Variants in TPH2 observed in about 807,000 individuals in gnomAD.
TPH2 encodes tryptophan 5-hydroxylase 2.
Under a neutral mutation model 59.1 loss-of-function variants are expected in TPH2, and 27 were observed. The ratio of observed to expected loss-of-function variants is 0.46; its 90% CI spans 0.34 to 0.63. The LOEUF (loss-of-function observed/expected upper bound fraction) is 0.63. TPH2 is among the 30% of genes least tolerant of loss of function. TPH2 has a pLI of 0.01. For missense variants in TPH2, 523 were observed against 588.3 expected, an observed-to-expected ratio of 0.89 and a Z score of 1.15; for synonymous variants, 220 against 210.5, an observed-to-expected ratio of 1.05 and a Z score of -0.39.
intron 8 of TPH2, among the ~76,000 whole-genome samples, chr12:72,020,304 C>G (rs889465012): frequency 6.6e-6 from 1 of 152,144 alleles, no homozygotes; most frequent in Admixed American, 6.6e-5. Flanking sequence ...GAACAGACAC[C>G]TGCTTTTTTG....
Position 72,032,020 on chromosome 12 carries a change from C to T in TPH2, c.*325C>T, listed in dbSNP as rs568524612. 3.0e-6 allele frequency: 1 copy of T among 338,684 alleles called. No homozygotes were observed. The highest frequency in any genetic ancestry group is 6.7e-5 in the East Asian group (1 of 14,942). The allele number at this position is 338,684 out of a possible 1,614,324, so 21.0% of individuals were successfully genotyped here. ...CCCTCTTATGAGTCTCATTTATGCC[C>T]TTTTCTTTTTCAGATCTAAGCCTTT... On this transcript the variant is annotated 3_prime_UTR_variant, in exon 11 of 11. Coordinates refer to ENST00000333850, the MANE Select transcript of TPH2 (RefSeq NM_173353.4).
chr12:72,003,002 G>A (rs376019567), intron 8 of TPH2, among the ~76,000 whole-genome samples: 1 of 152,256 alleles, frequency 6.6e-6, no homozygotes, highest in East Asian at 1.9e-4. Context: ...ATTTATGTTA[G>A]AAGTGTAATT....
In TPH2 at chr12:72,031,746, G is replaced by C. The variant is rs1253538470; in HGVS notation, c.*51G>C. ...ATGATCTTTTTGGGGCTTAGCAGCA[G>C]TTCAGTCAATGTCATATAACGCAAA... On this transcript the variant is annotated 3_prime_UTR_variant, in exon 11 of 11. Transcript: ENST00000333850. The C allele has an allele frequency of 6.2e-7, 1 of 1,607,598 alleles. No individual in the cohort carries two copies. Among genetic ancestry groups the C allele is most frequent in the Admixed American group, 1.7e-5 (1 of 59,960 alleles).
At chr12:71,989,850 G>T (rs1243176723) in intron 7 of TPH2, among the ~76,000 whole-genome samples, 1 of 152,034 alleles carries the variant, frequency 6.6e-6, no homozygotes, top group Non-Finnish European at 1.5e-5. Context: ...GCTCCTTTGT[G>T]GACCTGTTTC....
chr12:72,027,743 T>C lies in TPH2; in HGVS notation c.1165-3515T>C, dbSNP rs186572783. Reference sequence around the variant, plus strand: ...TGCGCCAAAGTCAATTAATTGGTAGTAGCCGCCTCTGTGGAGAAGGGTGGG... The same window carrying C: ...TGCGCCAAAGTCAATTAATTGGTAGCAGCCGCCTCTGTGGAGAAGGGTGGG... On this transcript the variant is annotated intron_variant, in intron 9 of 10. Coordinates refer to ENST00000333850, the MANE Select transcript of TPH2 (RefSeq NM_173353.4). 1.2e-4 allele frequency among the ~76,000 whole-genome samples: 18 copies of C among 152,282 alleles called. No homozygotes were observed. The East Asian group carries it at 3.1e-3, about 26-fold the overall frequency.
At chr12:72,008,343 C>A (rs542162250) in intron 8 of TPH2, among the ~76,000 whole-genome samples, 1 of 152,286 alleles carries the variant, frequency 6.6e-6, no homozygotes, top group South Asian at 2.1e-4. Flanking sequence ...TGTAATTAAG[C>A]CCATGCTTGC....
chr12:71,996,099 G>A (rs1872687456), intron 8 of TPH2, among the ~76,000 whole-genome samples: 1 of 152,220 alleles, frequency 6.6e-6, no homozygotes, highest in South Asian at 2.1e-4. Flanking sequence ...GGACGTTGTA[G>A]TCAAGATGCT....
intron 8 of TPH2, among the ~76,000 whole-genome samples, chr12:71,998,294 C>T (rs561156903): frequency 1.4e-4 from 21 of 152,128 alleles, no homozygotes; most frequent in African/African-American, 4.3e-4. Flanking sequence ...CCGTTTACTT[C>T]GAATAGTGTT....
chr12:72,022,880 C>T (rs976133504), intron 9 of TPH2, among the ~76,000 whole-genome samples: 2 of 152,222 alleles, frequency 1.3e-5, no homozygotes, highest in Non-Finnish European at 1.5e-5. Context: ...CATCACCTCC[C>T]TGGCTCCTTT....
rs779391394 is a variant in TPH2 at position 71,978,977 on chromosome 12, G to T, written c.831G>T (p.Pro277=). The T allele has an allele frequency of 6.8e-6, 11 of 1,614,062 alleles. No individual in the cohort carries two copies. In the South Asian group the frequency reaches 1.1e-4, roughly 16 times the overall value. ...AAAGGTCTGGCTTCACGGTGAGGCC[G>T]GTGGCTGGATACCTGAGCCCACGAG... ...LKERSGFTVR[P]VAGYLSPRDF... The change falls in exon 7 of 11, where the codon CCG becomes CCT. Residue 277 remains proline, a synonymous_variant. Coordinates refer to ENST00000333850, the MANE Select transcript of TPH2 (RefSeq NM_173353.4).
chr12:71,958,328 G>C (rs4760749), intron 5 of TPH2, among the ~76,000 whole-genome samples: 126,146 of 152,172 alleles, frequency 0.83, 52,521 homozygotes, highest in East Asian at 0.96. Flanking sequence ...AGTCCACACC[G>C]TTTTCTTTTT....
intron 6 of TPH2, among the ~76,000 whole-genome samples, chr12:71,978,180 A>G (rs1872172078): frequency 6.6e-6 from 1 of 152,052 alleles, no homozygotes; most frequent in South Asian, 2.1e-4. Context: ...TAAGCAATGC[A>G]CGACTCTATA....
rs112712217 is a variant in TPH2, at chr12:71,958,250, G to A, written c.608+8595G>A. Among the ~76,000 whole-genome samples the A allele has an allele frequency of 9.3e-4, 142 of 152,288 alleles. 4 individuals are homozygous for A. The East Asian group carries it at 0.014, about 15-fold the overall frequency. On this transcript the variant is annotated intron_variant, in intron 5 of 10. Transcript: ENST00000333850. ...GGTCATTTCCTGGATGGCCAGAATA[G>A]TTTCTGAGTAAGGTCACTTTTAGAG...
intron 6 of TPH2, among the ~76,000 whole-genome samples, chr12:71,973,747 GTCTGGAATGGGACCCCTT>G (rs1872039517): frequency 6.6e-6 from 1 of 152,190 alleles, no homozygotes; most frequent in African/African-American, 2.4e-5. Flanking sequence ...CTCACTTGGG[GTCTGGAATGGGACCCCTT>G]TCTGGTCACA....
At chr12:72,022,750 G>A (rs1873454977) in intron 9 of TPH2, among the ~76,000 whole-genome samples, 1 of 152,180 alleles carries the variant, frequency 6.6e-6, no homozygotes, top group Non-Finnish European at 1.5e-5. Flanking sequence ...ACAAATGTAT[G>A]CCCAAATCTT....
chr12:71,998,642 C>T (rs1056688813), intron 8 of TPH2, among the ~76,000 whole-genome samples: 1 of 152,050 alleles, frequency 6.6e-6, no homozygotes, highest in Non-Finnish European at 1.5e-5. Flanking sequence ...CTTGCAGAAA[C>T]AAAAATATTA....
intron 8 of TPH2, among the ~76,000 whole-genome samples, chr12:72,015,706 C>T (rs1370958228): frequency 6.6e-6 from 1 of 152,060 alleles, no homozygotes; most frequent in African/African-American, 2.4e-5. Context: ...TGAGATTTAT[C>T]TTTTTGTTAT....
chr12:71,955,696 T>G (rs980890969), intron 5 of TPH2, among the ~76,000 whole-genome samples: 1 of 152,344 alleles, frequency 6.6e-6, no homozygotes, highest in South Asian at 2.1e-4. Context: ...GAACACTACA[T>G]GTGCTATATA....
chr12:72,007,311 T>C (rs1872980683), intron 8 of TPH2, among the ~76,000 whole-genome samples: 1 of 151,960 alleles, frequency 6.6e-6, no homozygotes, highest in Non-Finnish European at 1.5e-5. Context: ...AATGAAAAAA[T>C]ATTGTTTGTG....
Sources: gnomAD v4.1 joint callset for allele counts (sites outside exome capture counted in the v4.1 genomes callset) on GRCh38, gnomAD v4.1.1 for gene constraint, MANE v1.5 for transcripts, NCBI Gene and HGNC (gene_info 2026-07-23, HGNC 2026-07-21) for gene names.